KCNIP4: variants seen among roughly 807,000 people sequenced by gnomAD.
KCNIP4 encodes Kv channel-interacting protein 4.
In KCNIP4, 12 loss-of-function variants were observed where a neutral mutation model predicts 34.0. The ratio of observed to expected loss-of-function variants is 0.35; its 90% CI spans 0.23 to 0.57. The LOEUF (loss-of-function observed/expected upper bound fraction) is 0.57. KCNIP4 is among the 20% of genes least tolerant of loss of function. The pLI is 0.83. For synonymous variants in KCNIP4, 124 were observed against 102.2 expected (o/e 1.21, Z -1.29); for missense variants, 238 against 311.7 (o/e 0.76, Z 1.78).
At chr4:21,489,741 C>T (rs1391856279) in intron 1 of KCNIP4, among the ~76,000 whole-genome samples, 1 of 152,064 alleles carries the variant, frequency 6.6e-6, no homozygotes, top group Non-Finnish European at 1.5e-5. Context: ...GGTTTGTCCT[C>T]TAATTAAAAT....
At chr4:21,007,292 T>C (rs1738654991) in intron 1 of KCNIP4, among the ~76,000 whole-genome samples, 1 of 152,098 alleles carries the variant, frequency 6.6e-6, no homozygotes, top group South Asian at 2.1e-4. Context: ...TGGCGGAACC[T>C]GTACAGAAAG....
At chr4:21,347,192 G>A (rs114946207) in intron 1 of KCNIP4, among the ~76,000 whole-genome samples, 1 of 152,150 alleles carries the variant, frequency 6.6e-6, no homozygotes, top group Non-Finnish European at 1.5e-5. Context: ...TAATGCTTAG[G>A]AGCCAAACAA....
At chr4:21,432,137 T>TATATAC (rs1428536684) in intron 1 of KCNIP4, among the ~76,000 whole-genome samples, 1 of 112,258 alleles carries the variant, frequency 8.9e-6, no homozygotes, top group South Asian at 2.8e-4. Flanking sequence ...TATATATATA[T>TATATAC]ACAATCTCCT....
chr4:21,132,771 C>T (rs751232895), intron 1 of KCNIP4, among the ~76,000 whole-genome samples: 9 of 150,190 alleles, frequency 6.0e-5, no homozygotes, highest in African/African-American at 1.2e-4. Flanking sequence ...CACTTTGGGA[C>T]GCTAAGGCAG....
intron 1 of KCNIP4, among the ~76,000 whole-genome samples, chr4:20,994,618 A>G (rs916576914): frequency 6.6e-6 from 1 of 152,208 alleles, no homozygotes; most frequent in African/African-American, 2.4e-5. Flanking sequence ...TAGGAGTTAC[A>G]GGGATAGAAC....
At chr4:20,748,407 G>A (rs1334009810) in intron 5 of KCNIP4, among the ~76,000 whole-genome samples, 1 of 151,722 alleles carries the variant, frequency 6.6e-6, no homozygotes, top group African/African-American at 2.4e-5. Flanking sequence ...CACTGAGCAG[G>A]CTTCCCTGCT....
intron 1 of KCNIP4, among the ~76,000 whole-genome samples, chr4:21,755,037 C>T (rs1233829634): frequency 6.6e-6 from 1 of 152,148 alleles, no homozygotes; most frequent in Non-Finnish European, 1.5e-5. Context: ...ATCCCAGCTA[C>T]TCGGGAGGCT....
chr4:21,492,443 C>T (rs1385757542), intron 1 of KCNIP4, among the ~76,000 whole-genome samples: 2 of 152,036 alleles, frequency 1.3e-5, no homozygotes, highest in Admixed American at 6.6e-5. Flanking sequence ...AGGCTGCTCT[C>T]GAACTCCTGG....
At chr4:20,778,549 TG>T (rs1480273906) in intron 3 of KCNIP4, among the ~76,000 whole-genome samples, 2 of 152,202 alleles carry the variant, frequency 1.3e-5, no homozygotes, top group African/African-American at 4.8e-5. Flanking sequence ...GATTTAATAT[TG>T]TACTGCAGCT....
At chr4:21,798,486 G>A (rs115716443) in intron 1 of KCNIP4, among the ~76,000 whole-genome samples, 2,559 of 127,540 alleles carry the variant, frequency 0.02, 100 homozygotes, top group African/African-American at 0.07. Flanking sequence ...GAGCACTCCA[G>A]CCTGGGTGAG....
intron 1 of KCNIP4, among the ~76,000 whole-genome samples, chr4:21,913,602 A>G (rs949764709): frequency 6.6e-6 from 1 of 152,170 alleles, no homozygotes; most frequent in African/African-American, 2.4e-5. Flanking sequence ...AAGACAAGCA[A>G]TTTCTTGTGC....
intron 1 of KCNIP4, among the ~76,000 whole-genome samples, chr4:21,116,420 G>A (rs1185781965): frequency 6.6e-6 from 1 of 152,140 alleles, no homozygotes; most frequent in African/African-American, 2.4e-5. Context: ...TCTTTTGCAG[G>A]CAGAGATCAT....
rs79575441 is a variant in KCNIP4 at position 21,270,612 on chromosome 4, G to A, written c.62-387903C>T. Reference sequence around the variant, plus strand: ...AAAATATAATCTGCCACCTTTTTCTGGTTTCTCCATTAATAAATATTTGCT... The same window carrying A: ...AAAATATAATCTGCCACCTTTTTCTAGTTTCTCCATTAATAAATATTTGCT... On this transcript the variant is annotated intron_variant, in intron 1 of 8. Transcript: ENST00000382152. Among the ~76,000 whole-genome samples the A allele has an allele frequency of 6.9e-3, 1,044 of 152,160 alleles. 48 individuals carry two copies. The East Asian group carries it at 0.14, about 20-fold the overall frequency.
chr4:21,351,980 A>G (rs1429039554), intron 1 of KCNIP4, among the ~76,000 whole-genome samples: 1 of 152,178 alleles, frequency 6.6e-6, no homozygotes, highest in African/African-American at 2.4e-5. Context: ...TAATCACATC[A>G]TAAGTTGAGG....
chr4:21,282,436 A>C (rs994566648), intron 1 of KCNIP4, among the ~76,000 whole-genome samples: 1 of 149,724 alleles, frequency 6.7e-6, no homozygotes, highest in African/African-American at 2.5e-5. Context: ...GATGTGTTAA[A>C]GACTGGCACC....
chr4:21,340,692 A>G (rs967421678), intron 1 of KCNIP4, among the ~76,000 whole-genome samples: 3 of 152,088 alleles, frequency 2.0e-5, no homozygotes, highest in African/African-American at 7.2e-5. Flanking sequence ...AAAAAAAGGT[A>G]TATTTCTAGT....
chr4:21,404,876 C>A (rs966081592), intron 1 of KCNIP4, among the ~76,000 whole-genome samples: 3 of 152,098 alleles, frequency 2.0e-5, no homozygotes, highest in African/African-American at 4.8e-5. Context: ...ATAACTAAAT[C>A]TTTTTTAATA....
chr4:21,698,359 T>G (rs1034403001), intron 1 of KCNIP4, among the ~76,000 whole-genome samples: 1 of 152,148 alleles, frequency 6.6e-6, no homozygotes, highest in African/African-American at 2.4e-5. Flanking sequence ...CAAAACTAAT[T>G]TACTGCGTTG....
intron 1 of KCNIP4, among the ~76,000 whole-genome samples, chr4:21,050,304 T>C (rs756434270): frequency 1.3e-5 from 2 of 152,170 alleles, no homozygotes; most frequent in Admixed American, 6.5e-5. Context: ...AATGCTGCAA[T>C]AGGTGGTCAT....
Sources: allele counts gnomAD v4.1 joint callset (sites outside exome capture counted in the v4.1 genomes callset), GRCh38; gene constraint gnomAD v4.1.1; transcripts MANE v1.5; gene names NCBI Gene and HGNC (gene_info 2026-07-23, HGNC 2026-07-21).